The following PRR11 variants were observed in gnomAD, a reference collection of about 807,000 sequenced individuals.
The protein encoded by PRR11 is proline rich 11.
PRR11 carries 30 observed loss-of-function variants against 45.6 expected under a neutral mutation model. The ratio of observed to expected loss-of-function variants is 0.66; its 90% CI spans 0.49 to 0.89. The LOEUF is 0.89. PRR11 is among the 40% of genes least tolerant of loss of function. The probability of loss-of-function intolerance (pLI) is 0.00; values close to 1 mark genes in which losing one functional copy is unlikely to be tolerated. For synonymous variants in PRR11, 128 were observed against 153.5 expected (o/e 0.83, Z 1.23); for missense variants, 373 against 424.8 (o/e 0.88, Z 1.07).
chr17:59,183,723 T>C (rs548261846), intron 2 of PRR11, among the ~76,000 whole-genome samples: 32 of 152,292 alleles, frequency 2.1e-4, no homozygotes, highest in African/African-American at 6.7e-4. Flanking sequence ...TTTTGTATCA[T>C]ATGTATTGCT....
At position 59,204,515 on chromosome 17, in the gene PRR11, A is replaced by G. The variant is rs1174258664; in HGVS notation, c.*2884A>G. 6.6e-6 allele frequency: 1 copy of G among 152,044 alleles called. No homozygotes were observed. Among genetic ancestry groups the G allele is most frequent in the African/African-American group, 2.4e-5 (1 of 41,308 alleles). 9.4% of individuals were successfully genotyped at this position (152,044 alleles called of 1,614,324 possible). ...TCAGACGTTTGAGACCAGCCTGGCC[A>G]ACATGGTGAAACCCCGTCTCTACCA... On this transcript the variant is annotated 3_prime_UTR_variant, in exon 10 of 10. Coordinates refer to ENST00000262293, the MANE Select transcript of PRR11 (RefSeq NM_018304.4).
At chr17:59,185,300 A>G (rs2046808890) in intron 3 of PRR11, 96 bp downstream of exon 3, 1 of 1,520,872 alleles carries the variant, frequency 6.6e-7, no homozygotes, top group Admixed American at 2.0e-5. Flanking sequence ...CCCTCAAGCT[A>G]AACTTAGATA....
intron 2 of PRR11, chr17:59,177,215 C>T (rs915626032): frequency 4.7e-5 from 26 of 547,972 alleles, no homozygotes; most frequent in African/African-American, 2.9e-4. Context: ...GAGAAGAGGC[C>T]GGCGCGGCTA....
At chr17:59,167,838 T>C (rs1255921493) in intron 1 of PRR11, among the ~76,000 whole-genome samples, 1 of 152,218 alleles carries the variant, frequency 6.6e-6, no homozygotes, top group Non-Finnish European at 1.5e-5. Context: ...CTTTCATTGC[T>C]CTCTTGGTTT....
At chr17:59,181,854 G>T in intron 2 of PRR11, 1 of 1,446,962 alleles carries the variant, frequency 6.9e-7, no homozygotes, top group Non-Finnish European at 9.4e-7. Context: ...CAGCCTTGCA[G>T]ACTGTTGGCT....
At chr17:59,188,768 A>G (rs370499841) in intron 4 of PRR11, among the ~76,000 whole-genome samples, 1 of 151,422 alleles carries the variant, frequency 6.6e-6, no homozygotes, top group East Asian at 2.0e-4. Flanking sequence ...GCAAAACCCC[A>G]TCTCTACTAA....
intron 2 of PRR11, 98 bp from the exon 3 acceptor site, chr17:59,184,956 C>T: frequency 8.7e-7 from 1 of 1,150,502 alleles, no homozygotes; most frequent in Admixed American, 2.3e-5. Context: ...CTCAGCCTCC[C>T]AAAGTGCTAG....
intron 2 of PRR11, 55 bp from the exon 3 acceptor site, chr17:59,184,999 G>A: frequency 6.4e-7 from 1 of 1,552,760 alleles, no homozygotes; most frequent in Non-Finnish European, 8.8e-7. Flanking sequence ...ACCAGGCCAA[G>A]GCTATTATTC....
chr17:59,164,474 G>C (rs972194673), intron 1 of PRR11, among the ~76,000 whole-genome samples: 3 of 152,056 alleles, frequency 2.0e-5, no homozygotes. Context: ...AGGACTGCTT[G>C]AGCACAGGAG....
intron 4 of PRR11, among the ~76,000 whole-genome samples, chr17:59,191,875 A>T (rs2046841971): frequency 6.6e-6 from 1 of 152,134 alleles, no homozygotes; most frequent in Non-Finnish European, 1.5e-5. Flanking sequence ...GTGCCTCAGG[A>T]TGAATTAGCC....
At chr17:59,186,807 A>T (rs1253425750) in intron 4 of PRR11, among the ~76,000 whole-genome samples, 1 of 152,232 alleles carries the variant, frequency 6.6e-6, no homozygotes, top group Admixed American at 6.5e-5. Flanking sequence ...TATTGAATAT[A>T]TAAAGAACCA....
intron 4 of PRR11, among the ~76,000 whole-genome samples, chr17:59,187,600 C>A (rs779780239): frequency 3.8e-4 from 58 of 151,636 alleles, no homozygotes; most frequent in Middle Eastern, 3.4e-3. Flanking sequence ...CGCAGTGGCT[C>A]ACGCTTGTAA....
intron 1 of PRR11, among the ~76,000 whole-genome samples, chr17:59,163,208 A>G (rs1468141162): frequency 1.3e-5 from 2 of 152,056 alleles, no homozygotes; most frequent in African/African-American, 2.4e-5. Flanking sequence ...CTCCTGCCTC[A>G]GCCTCCCAGA....
In PRR11 at chr17:59,194,764, C is replaced by T; in HGVS notation, c.653C>T (p.Pro218Leu). Residue 218 changes from proline to leucine, a missense_variant, in exon 6 of 10, where the codon CCA becomes CTA. Transcript: ENST00000262293. ...CTTACCATGTATTTTAAGGCTGGAC[C>T]ATTAAAAAAAGATGGACCCATGCAG... ...PSLAKALQAG[P>L]LKKDGPMQIT... The T allele has an allele frequency of 6.2e-7, 1 of 1,610,964 alleles. No individual in the cohort carries two copies. Among genetic ancestry groups the T allele is most frequent in the Non-Finnish European group, 8.5e-7 (1 of 1,178,358 alleles).
chr17:59,185,298 C>A, intron 3 of PRR11, 94 bp downstream of exon 3: 1 of 1,526,132 alleles, frequency 6.6e-7, no homozygotes, highest in Non-Finnish European at 8.9e-7. Flanking sequence ...AACCCTCAAG[C>A]TAAACTTAGA....
chr17:59,197,394 G>A (rs1012868590), intron 7 of PRR11, 150 bp from the exon 8 acceptor site: 1 of 663,324 alleles, frequency 1.5e-6, no homozygotes, highest in African/African-American at 1.8e-5. Flanking sequence ...TGGGACTACA[G>A]GCGCCCACCA....
At chr17:59,196,004 C>G (rs987833866) in intron 7 of PRR11, among the ~76,000 whole-genome samples, 1 of 149,056 alleles carries the variant, frequency 6.7e-6, no homozygotes, top group Non-Finnish European at 1.5e-5. Context: ...AAGAGGATCA[C>G]TTGAGCCCAG....
chr17:59,170,595 T>C (rs778326696), intron 2 of PRR11, among the ~76,000 whole-genome samples: 1 of 152,024 alleles, frequency 6.6e-6, no homozygotes, highest in Admixed American at 6.6e-5. Flanking sequence ...TTAAAAAAAA[T>C]TTTAAAAAAT....
Position 59,201,584 on chromosome 17 carries a change from A to C in PRR11, c.1036A>C (p.Thr346Pro), listed in dbSNP as rs144573133. 1 of 1,613,086 alleles carries C rather than the reference A, an allele frequency of 6.2e-7. No homozygotes were observed. The highest frequency in any genetic ancestry group is 2.2e-5 in the East Asian group (1 of 44,876). The change falls in exon 10 of 10, where the codon ACT (threonine) becomes CCT (proline). Residue 346 changes from threonine (T) to proline (P), a missense_variant. Thr to Pro is a conservative substitution (Grantham distance 38, BLOSUM62 -1). Coordinates refer to ENST00000262293, the MANE Select transcript of PRR11 (RefSeq NM_018304.4). ...ATAGCTGGCTCACCCTAGAAGCCCA[A>C]CTCCAACTCTGCCACTTTCTACAAG... Reference protein sequence around the residue: ...KFQLAHPRSPTPTLPLSTSSF... With the variant: ...KFQLAHPRSPPPTLPLSTSSF...
Sources: gnomAD v4.1 joint callset for allele counts (sites outside exome capture counted in the v4.1 genomes callset) on GRCh38, gnomAD v4.1.1 for gene constraint, MANE v1.5 for transcripts, NCBI Gene and HGNC (gene_info 2026-07-23, HGNC 2026-07-21) for gene names.